PPAT: variants seen among roughly 807,000 people sequenced by gnomAD.
PPAT encodes the protein amidophosphoribosyltransferase.
PPAT carries 20 observed loss-of-function variants against 60.2 expected under a neutral mutation model. The observed-to-expected ratio is 0.33, with a 90% CI of 0.23 to 0.48. The LOEUF (loss-of-function observed/expected upper bound fraction) is 0.48. Ranked by LOEUF, PPAT falls within the 20% of genes least tolerant of loss-of-function variation. The probability of loss-of-function intolerance (pLI) is 0.99; values close to 1 mark genes in which losing one functional copy is unlikely to be tolerated. For missense variants in PPAT, 349 were observed against 629.6 expected, an observed-to-expected ratio of 0.55 and a Z score of 4.77; for synonymous variants, 194 against 215.1, an observed-to-expected ratio of 0.90 and a Z score of 0.86.
chr4:56,429,852 T>A (rs956108107), intron 1 of PPAT, among the ~76,000 whole-genome samples: 1 of 152,236 alleles, frequency 6.6e-6, no homozygotes, highest in Admixed American at 6.5e-5. Flanking sequence ...TAGTTTGGGA[T>A]TCATACTATA....
chr4:56,411,023 C>T (rs1716438654), intron 1 of PPAT: 4 of 673,136 alleles, frequency 5.9e-6, no homozygotes, highest in Non-Finnish European at 7.3e-6. Flanking sequence ...ACTGAAATAT[C>T]AAGACTGTGG....
intron 1 of PPAT, among the ~76,000 whole-genome samples, chr4:56,427,506 T>C (rs1717350851): frequency 6.6e-6 from 1 of 152,082 alleles, no homozygotes; most frequent in African/African-American, 2.4e-5. Context: ...TTTAAACACA[T>C]TTTCAAATTT....
chr4:56,423,679 T>C (rs1454607799), intron 1 of PPAT, among the ~76,000 whole-genome samples: 1 of 151,726 alleles, frequency 6.6e-6, no homozygotes, highest in Non-Finnish European at 1.5e-5. Flanking sequence ...TTGTTTGGCA[T>C]GTTTGCATGC....
intron 1 of PPAT, among the ~76,000 whole-genome samples, chr4:56,409,274 C>T (rs1175327304): frequency 1.3e-5 from 2 of 152,126 alleles, no homozygotes; most frequent in Admixed American, 1.3e-4. Flanking sequence ...TGCAGACAAT[C>T]CAACTGCAGA....
rs377009201 is a variant in PPAT, at chr4:56,407,605, A to C, written c.195+45T>G. 9 of 1,476,750 alleles carry C rather than the reference A, an allele frequency of 6.1e-6. No homozygotes were observed. The African/African-American group carries it at 1.1e-4, about 18-fold the overall frequency. 91.5% of individuals were successfully genotyped at this position (1,476,750 alleles called of 1,614,324 possible). ...AGTCCTGGGATTACAGGCATGAACC[A>C]CCGCACTTGGTCTGTCATCAACATT... is the stretch of plus-strand genomic sequence containing the variant. On this transcript the variant is annotated intron_variant, in intron 2 of 10. Coordinates refer to ENST00000264220, the MANE Select transcript of PPAT (RefSeq NM_002703.5).
At chr4:56,420,104 G>A (rs1037698508) in intron 1 of PPAT, 12 of 603,612 alleles carry the variant, frequency 2.0e-5, no homozygotes, top group Middle Eastern at 1.7e-3. Flanking sequence ...CAGGTTCAAG[G>A]ATCCCTTTTC....
intron 8 of PPAT, 49 bp from the exon 9 acceptor site, chr4:56,399,449 G>T: frequency 7.4e-7 from 1 of 1,355,702 alleles, no homozygotes; most frequent in Non-Finnish European, 1.0e-6. Flanking sequence ...TACAGAATAG[G>T]CAAATATTTT....
At chr4:56,430,094 C>T (rs1257507317) in intron 1 of PPAT, among the ~76,000 whole-genome samples, 1 of 152,142 alleles carries the variant, frequency 6.6e-6, no homozygotes, top group Non-Finnish European at 1.5e-5. Flanking sequence ...AACCCCCCAT[C>T]TCAATATTTA....
chr4:56,398,186 T>C (rs970074980), intron 9 of PPAT, among the ~76,000 whole-genome samples: 2 of 152,110 alleles, frequency 1.3e-5, no homozygotes, highest in African/African-American at 2.4e-5. Flanking sequence ...CTGGGCAACA[T>C]GGTGAAACCC....
At chr4:56,414,705 C>G (rs78123676) in intron 1 of PPAT, among the ~76,000 whole-genome samples, 4,054 of 152,196 alleles carry the variant, frequency 0.027, 198 homozygotes, top group African/African-American at 0.092. Flanking sequence ...TTTCTATGGA[C>G]GTAAATCTGG....
At chr4:56,416,503 A>G (rs1716759029) in intron 1 of PPAT, 1 of 190,664 alleles carries the variant, frequency 5.2e-6, no homozygotes, top group African/African-American at 2.4e-5. Flanking sequence ...CTGGTTCCTA[A>G]TCTGAGAAAA....
intron 3 of PPAT, among the ~76,000 whole-genome samples, chr4:56,404,510 C>A (rs1013774019): frequency 6.6e-6 from 1 of 152,154 alleles, no homozygotes; most frequent in Admixed American, 6.5e-5. Context: ...CATGGACATG[C>A]ACAGATTGAG....
intron 1 of PPAT, chr4:56,429,048 C>A: frequency 1.9e-6 from 1 of 536,450 alleles, no homozygotes; most frequent in Non-Finnish European, 2.4e-6. Flanking sequence ...ACAGTGGAAA[C>A]AACTTGTTGC....
intron 1 of PPAT, among the ~76,000 whole-genome samples, chr4:56,425,984 G>A (rs1369738191): frequency 6.6e-6 from 1 of 152,134 alleles, no homozygotes; most frequent in Non-Finnish European, 1.5e-5. Context: ...CAACTTTTCT[G>A]AGATGTGATT....
intron 9 of PPAT, 143 bp downstream of exon 9, chr4:56,399,034 TAC>T (rs1452425109): frequency 1.2e-5 from 8 of 656,402 alleles, no homozygotes; most frequent in Middle Eastern, 4.2e-4. Flanking sequence ...TTCAAGTTGC[TAC>T]ACAGTTATTC....
intron 1 of PPAT, among the ~76,000 whole-genome samples, chr4:56,417,805 G>A (rs1002234481): frequency 6.9e-4 from 103 of 149,534 alleles, no homozygotes; most frequent in African/African-American, 2.3e-3. Context: ...AATAAATTAT[G>A]ATTAATCTTC....
rs1715970800 is a variant in PPAT at position 56,396,532 on chromosome 4, T to C, written c.1357+87A>G. On this transcript the variant is annotated intron_variant, in intron 10 of 10. Transcript: ENST00000264220. The surrounding 1 kb of genome is among the most constrained non-coding windows in gnomAD (Gnocchi z 4.6). ...ATAACTACTTTTAACAAACACTGAATACTCCTTTTTACTAAAGGTGTAAAG... is the reference window on the plus strand; with the variant it reads ...ATAACTACTTTTAACAAACACTGAACACTCCTTTTTACTAAAGGTGTAAAG... The C allele has an allele frequency of 7.6e-7, 1 of 1,307,258 alleles. No individual in the cohort carries two copies. Among genetic ancestry groups the C allele is most frequent in the East Asian group, 2.3e-5 (1 of 42,612 alleles). The allele number at this position is 1,307,258 out of a possible 1,614,324, so 81.0% of individuals were successfully genotyped here. A position where few individuals can be genotyped will look rare whatever the true frequency, so the allele number is the denominator to read the frequency against.
intron 1 of PPAT, among the ~76,000 whole-genome samples, chr4:56,428,528 C>T (rs773088133): frequency 9.9e-5 from 15 of 151,582 alleles, no homozygotes; most frequent in Non-Finnish European, 1.6e-4. Context: ...AAATGGCAAC[C>T]CTCCAAGAAA....
intron 1 of PPAT, among the ~76,000 whole-genome samples, chr4:56,433,395 A>AT (rs1207262749): frequency 1.8e-5 from 2 of 109,686 alleles, no homozygotes; most frequent in African/African-American, 7.0e-5. Context: ...AATGGTATTC[A>AT]TTAAAAAAAA....
Sources: allele counts gnomAD v4.1 joint callset (sites outside exome capture counted in the v4.1 genomes callset), GRCh38; gene constraint gnomAD v4.1.1; non-coding constraint Gnocchi (gnomAD v3.1); transcripts MANE v1.5; gene names NCBI Gene and HGNC (gene_info 2026-07-23, HGNC 2026-07-21).